MNAT1: variants seen among roughly 807,000 people sequenced by gnomAD.
MNAT1 encodes MNAT1 component of CDK activating kinase.
A neutral mutation model predicts 42.0 loss-of-function variants in MNAT1; 43 were observed. The observed-to-expected ratio is 1.02, with a 90% CI of 0.80 to 1.32. The LOEUF (loss-of-function observed/expected upper bound fraction) is 1.32. MNAT1 is among the 40% of genes most tolerant of loss of function. The pLI is 0.00. For missense variants in MNAT1, 306 were observed against 350.4 expected, an observed-to-expected ratio of 0.87 and a Z score of 1.01; for synonymous variants, 118 against 120.0, an observed-to-expected ratio of 0.98 and a Z score of 0.11.
chr14:60,886,798 G>A (rs1192806594), intron 7 of MNAT1, among the ~76,000 whole-genome samples: 1 of 151,692 alleles, frequency 6.6e-6, no homozygotes, highest in Non-Finnish European at 1.5e-5. Context: ...GTACATATAG[G>A]ATCATGTCAT....
intron 7 of MNAT1, chr14:60,919,514 C>A (rs2035607474): frequency 6.6e-6 from 1 of 152,500 alleles, no homozygotes; most frequent in African/African-American, 2.4e-5. Context: ...CCAGGTACAG[C>A]CACTGGCAGT....
chr14:60,737,700 T>C (rs1316683364), intron 1 of MNAT1, among the ~76,000 whole-genome samples: 6 of 152,080 alleles, frequency 3.9e-5, no homozygotes, highest in Non-Finnish European at 7.4e-5. Context: ...TCAGAGTTTG[T>C]GGCTTTTAAA....
intron 7 of MNAT1, among the ~76,000 whole-genome samples, chr14:60,940,900 AAGTT>A (rs140647826): frequency 0.031 from 4,749 of 152,284 alleles, 125 homozygotes; most frequent in African/African-American, 0.076. Context: ...TTTAAAAAAA[AAGTT>A]AGAGTGAGAT....
intron 6 of MNAT1, among the ~76,000 whole-genome samples, chr14:60,863,198 T>C (rs1024829285): frequency 6.6e-6 from 1 of 152,082 alleles, no homozygotes; most frequent in African/African-American, 2.4e-5. Context: ...GGCTGTAAGA[T>C]CCCAGGACTC....
chr14:60,881,565 C>T (rs905785403), intron 7 of MNAT1, among the ~76,000 whole-genome samples: 3 of 151,812 alleles, frequency 2.0e-5, no homozygotes, highest in African/African-American at 7.3e-5. Flanking sequence ...GATATTGGCT[C>T]ATAGTGTTTT....
intron 1 of MNAT1, among the ~76,000 whole-genome samples, chr14:60,771,355 T>G (rs1365334334): frequency 6.6e-6 from 1 of 152,198 alleles, no homozygotes; most frequent in Non-Finnish European, 1.5e-5. Flanking sequence ...TGTTAATGCC[T>G]GTATAAGGTG....
intron 7 of MNAT1, among the ~76,000 whole-genome samples, chr14:60,964,898 T>C (rs8012779): frequency 0.91 from 138,692 of 152,236 alleles, 63,790 homozygotes; most frequent in Non-Finnish European, 0.99. Flanking sequence ...TACTTCGACA[T>C]GCTACAATAA....
intron 4 of MNAT1, among the ~76,000 whole-genome samples, chr14:60,811,446 G>T (rs142558075): frequency 6.6e-6 from 1 of 151,944 alleles, no homozygotes; most frequent in Non-Finnish European, 1.5e-5. Context: ...GGGATTACAG[G>T]CATGTGCCAC....
chr14:60,808,415 A>G lies in MNAT1; in HGVS notation c.407A>G (p.Asn136Ser). 6.5e-7 allele frequency: 1 copy of G among 1,548,936 alleles called. No homozygotes were observed. Among genetic ancestry groups the G allele is most frequent in the Non-Finnish European group, 8.7e-7 (1 of 1,144,554 alleles). ...GAAAACAAAGATGTTATTCAGAAAA[A>G]TAAATTAAAGCTGGTCGGTTGCTAA... ...QKENKDVIQK[N>S]KLKLTREQEE... The change falls in exon 4 of 8, where the codon AAT becomes AGT. Residue 136 changes from asparagine to serine, a missense_variant. This residue lies in a region of MNAT1 where 118 missense variants were observed against 99.8 expected (regional missense o/e 1.18). Transcript: ENST00000261245.
intron 7 of MNAT1, among the ~76,000 whole-genome samples, chr14:60,928,483 G>A (rs1026161588): frequency 1.3e-5 from 2 of 152,036 alleles, no homozygotes; most frequent in Non-Finnish European, 2.9e-5. Flanking sequence ...CTGGCATGAG[G>A]GTTTCCATTT....
chr14:60,837,256 C>T (rs2033418201), intron 6 of MNAT1, among the ~76,000 whole-genome samples: 1 of 152,184 alleles, frequency 6.6e-6, no homozygotes, highest in African/African-American at 2.4e-5. Flanking sequence ...TCATTCCAGG[C>T]ACCACTGGGT....
At chr14:60,804,101 T>C (rs1463290908) in intron 3 of MNAT1, among the ~76,000 whole-genome samples, 1 of 152,226 alleles carries the variant, frequency 6.6e-6, no homozygotes, top group Admixed American at 6.5e-5. Flanking sequence ...GCTTTAATTA[T>C]AAATTCTGGA....
At chr14:60,871,485 G>C (rs966555123) in intron 6 of MNAT1, among the ~76,000 whole-genome samples, 1 of 152,188 alleles carries the variant, frequency 6.6e-6, no homozygotes, top group African/African-American at 2.4e-5. Flanking sequence ...TGTCATTCAA[G>C]TGAGTGTGCA....
intron 1 of MNAT1, among the ~76,000 whole-genome samples, chr14:60,736,862 T>C (rs1041798421): frequency 6.6e-6 from 1 of 152,210 alleles, no homozygotes; most frequent in Non-Finnish European, 1.5e-5. Context: ...TTGTTTACTA[T>C]ATATTGGCTA....
At chr14:60,866,508 A>G (rs1358100041) in intron 6 of MNAT1, among the ~76,000 whole-genome samples, 1 of 151,764 alleles carries the variant, frequency 6.6e-6, no homozygotes, top group Non-Finnish European at 1.5e-5. Context: ...TTATTTTTGC[A>G]TTTTTCAGGG....
At chr14:60,945,553 T>C (rs2036254768) in intron 7 of MNAT1, among the ~76,000 whole-genome samples, 2 of 152,200 alleles carry the variant, frequency 1.3e-5, no homozygotes, top group Admixed American at 6.5e-5. Context: ...GGGGGCACTT[T>C]CTAAAATTCC....
chr14:60,764,307 G>A (rs1252680946), intron 1 of MNAT1, among the ~76,000 whole-genome samples: 1 of 152,178 alleles, frequency 6.6e-6, no homozygotes, highest in Admixed American at 6.5e-5. Flanking sequence ...TAATCCTGGT[G>A]TAGCCCTCTT....
chr14:60,752,420 T>G (rs1399968364), intron 1 of MNAT1, among the ~76,000 whole-genome samples: 1 of 152,214 alleles, frequency 6.6e-6, no homozygotes, highest in Non-Finnish European at 1.5e-5. Context: ...TTATGTTTTA[T>G]TGAAAAAATG....
chr14:60,857,820 C>T lies in MNAT1; in HGVS notation c.688-21894C>T, dbSNP rs773458593. ...ACTCTCACTTATGAGTGAGAACATGCGGTGTTTGGTTTTCTGTCCTTGTGA... is the reference window on the plus strand; with the variant it reads ...ACTCTCACTTATGAGTGAGAACATGTGGTGTTTGGTTTTCTGTCCTTGTGA... On this transcript the variant is annotated intron_variant, in intron 6 of 7. Transcript: ENST00000261245. 8.0e-5 allele frequency among the ~76,000 whole-genome samples: 12 copies of T among 150,816 alleles called. No homozygotes were observed. The East Asian group carries it at 1.2e-3, about 15-fold the overall frequency.
Sources: allele counts gnomAD v4.1 joint callset (sites outside exome capture counted in the v4.1 genomes callset), GRCh38; gene constraint gnomAD v4.1.1; regional missense constraint gnomAD v4.1.1; transcripts MANE v1.5; gene names NCBI Gene and HGNC (gene_info 2026-07-23, HGNC 2026-07-21).